The following PCDHA9 variants were observed in gnomAD, a reference collection of about 807,000 sequenced individuals.
PCDHA9 encodes protocadherin alpha 9.
Under a neutral mutation model 62.0 loss-of-function variants are expected in PCDHA9, and 62 were observed. The observed-to-expected ratio is 1.00, with a 90% CI of 0.81 to 1.23. The LOEUF (loss-of-function observed/expected upper bound fraction) is 1.23. Ranked by LOEUF, PCDHA9 falls within the 50% of genes most tolerant of loss-of-function variation. PCDHA9 has a pLI of 0.00. For missense variants in PCDHA9, 1,205 were observed against 1,249.8 expected (o/e 0.96, Z 0.54); for synonymous variants, 557 against 567.6 (o/e 0.98, Z 0.27).
At chr5:140,929,113 A>G (rs1554206696) in intron 1 of PCDHA9, 5 of 1,614,154 alleles carry the variant, frequency 3.1e-6, no homozygotes, top group East Asian at 2.2e-5. Flanking sequence ...GACATCAGCC[A>G]CCATAGATGT....
At chr5:140,930,712 A>T (rs1584689351) in intron 1 of PCDHA9, among the ~76,000 whole-genome samples, 1 of 152,234 alleles carries the variant, frequency 6.6e-6, no homozygotes, top group Non-Finnish European at 1.5e-5. Flanking sequence ...ATTCTTCCTC[A>T]AGTAATGATG....
At chr5:140,980,347 C>G (rs1329268780) in intron 2 of PCDHA9, among the ~76,000 whole-genome samples, 2 of 152,132 alleles carry the variant, frequency 1.3e-5, no homozygotes, top group African/African-American at 4.8e-5. Context: ...ACATAACTTC[C>G]TGGACTGGGC....
chr5:140,926,915 T>A, intron 1 of PCDHA9: 1 of 1,563,726 alleles, frequency 6.4e-7, no homozygotes, highest in Non-Finnish European at 8.7e-7. Flanking sequence ...GGGGTGGCAG[T>A]TTTATGTTTG....
At chr5:140,937,085 T>G (rs1386368270) in intron 1 of PCDHA9, among the ~76,000 whole-genome samples, 2 of 150,536 alleles carry the variant, frequency 1.3e-5, no homozygotes, top group African/African-American at 4.9e-5. Context: ...TCGCCCAGGC[T>G]GGAGTGCAGT....
chr5:140,863,445 C>A, intron 1 of PCDHA9: 1 of 582,886 alleles, frequency 1.7e-6, no homozygotes, highest in South Asian at 1.4e-5. Flanking sequence ...GTCTTACTCG[C>A]AGCAAAGGAG....
chr5:140,870,167 C>A, intron 1 of PCDHA9: 1 of 1,614,134 alleles, frequency 6.2e-7, no homozygotes, highest in East Asian at 2.2e-5. Context: ...ACTTCCTTGT[C>A]CCTCCCAGTA....
At chr5:141,001,253 C>T (rs896546841) in intron 3 of PCDHA9, among the ~76,000 whole-genome samples, 22 of 152,078 alleles carry the variant, frequency 1.4e-4, no homozygotes, top group African/African-American at 5.1e-4. Flanking sequence ...CCCTATGGGG[C>T]GGGCACTCTT....
chr5:141,009,563 C>A, intron 3 of PCDHA9, 64 bp from the exon 4 acceptor site: 1 of 1,571,920 alleles, frequency 6.4e-7, no homozygotes, highest in Non-Finnish European at 8.6e-7. Flanking sequence ...TGTACTCTAC[C>A]AGCAGTGTGG....
chr5:140,848,587 T>C lies in PCDHA9; in HGVS notation c.92T>C (p.Leu31Pro), dbSNP rs2150413508. 1 of 1,594,838 alleles carries C rather than the reference T, an allele frequency of 6.3e-7. No individual in the cohort carries two copies. Among genetic ancestry groups the C allele is most frequent in the Non-Finnish European group, 8.6e-7 (1 of 1,164,968 alleles). The change falls in exon 1 of 4, where the codon CTC (leucine) becomes CCC (proline). Residue 31 changes from leucine to proline, a missense_variant. Transcript: ENST00000532602. ...ATGTGGGTGGTGGGGAGCGGCCAGC[T>C]CCACTACTCCGTCCCGGAGGAAGCC... Reference protein sequence around the residue: ...LAMWVVGSGQLHYSVPEEAEH... With the variant: ...LAMWVVGSGQPHYSVPEEAEH...
intron 1 of PCDHA9, chr5:140,867,855 G>T (rs1340065029): frequency 6.6e-6 from 1 of 151,976 alleles, no homozygotes; most frequent in African/African-American, 2.4e-5. Context: ...TAGTTGAATT[G>T]TTTGATTAAT....
rs147219331 is a variant in PCDHA9, at chr5:140,927,900, T to C, written c.2395-51049T>C. On this transcript the variant is annotated intron_variant, in intron 1 of 3. Transcript: ENST00000532602. Reference sequence around the variant, plus strand: ...TGGAGGTGACTGACGTGAACGATCATGCCCCCGAACTGGACTTCCTGACTC... The same window carrying C: ...TGGAGGTGACTGACGTGAACGATCACGCCCCCGAACTGGACTTCCTGACTC... 2,142 of 1,614,232 alleles carry C rather than the reference T, an allele frequency of 1.3e-3. 2 individuals are homozygous for C. The highest frequency in any genetic ancestry group is 1.7e-3 in the Non-Finnish European group (2,053 of 1,180,040).
intron 1 of PCDHA9, among the ~76,000 whole-genome samples, chr5:140,874,989 A>G (rs1411320872): frequency 6.6e-6 from 1 of 152,218 alleles, no homozygotes; most frequent in Non-Finnish European, 1.5e-5. Context: ...ATTATTCTGT[A>G]TATCATTTTC....
Position 140,968,978 on chromosome 5 carries a change from G to T in PCDHA9, c.2395-9971G>T, listed in dbSNP as rs782147151. ...CAAGTGCTACCGCTACACTGCGTATGGCACTGCATGCTGTGGAGGCTTCTG... is the reference window on the plus strand; with the variant it reads ...CAAGTGCTACCGCTACACTGCGTATTGCACTGCATGCTGTGGAGGCTTCTG... On this transcript the variant is annotated intron_variant, in intron 1 of 3. Coordinates refer to ENST00000532602, the MANE Select transcript of PCDHA9 (RefSeq NM_031857.2). The T allele has an allele frequency of 8.7e-6, 14 of 1,614,212 alleles. No homozygotes were observed. Among genetic ancestry groups the T allele is most frequent in the Non-Finnish European group, 1.2e-5 (14 of 1,180,042 alleles).
At chr5:140,919,713 G>C (rs1370532221) in intron 1 of PCDHA9, among the ~76,000 whole-genome samples, 1 of 152,096 alleles carries the variant, frequency 6.6e-6, no homozygotes, top group African/African-American at 2.4e-5. Context: ...ATTCTAGTGA[G>C]ATATAAATAT....
At chr5:140,884,169 C>A in intron 1 of PCDHA9, 2 of 1,613,426 alleles carry the variant, frequency 1.2e-6, no homozygotes, top group South Asian at 1.1e-5. Flanking sequence ...ATCAGCACGA[C>A]GCGCCCTCTG....
At chr5:140,875,830 G>T in intron 1 of PCDHA9, 1 of 1,614,226 alleles carries the variant, frequency 6.2e-7, no homozygotes, top group South Asian at 1.1e-5. Context: ...TTTCCATGTG[G>T]ACGTGGAGGT....
At chr5:140,860,793 A>G (rs1012928413) in intron 1 of PCDHA9, 3 of 152,166 alleles carry the variant, frequency 2.0e-5, no homozygotes, top group Non-Finnish European at 4.4e-5. Context: ...GCTGGAGTGC[A>G]GTGGCACGAT....
chr5:140,849,585 C>G lies in PCDHA9; in HGVS notation c.1090C>G (p.Gln364Glu), dbSNP rs147876741. The G allele has an allele frequency of 6.3e-7, 1 of 1,598,624 alleles. No individual in the cohort carries two copies. Among genetic ancestry groups the G allele is most frequent in the African/African-American group, 1.3e-5 (1 of 74,332 alleles). The change falls in exon 1 of 4, where the codon CAA becomes GAA. Residue 364 changes from glutamine (Q) to glutamate (E), a missense_variant. Physicochemically the swap from Gln to Glu is conservative, Grantham distance 29. Around this residue, in one of 3 missense-constraint regions of PCDHA9, gnomAD observed 887 missense variants for 809.5 expected, o/e 1.10. Coordinates refer to ENST00000532602, the MANE Select transcript of PCDHA9 (RefSeq NM_031857.2). Reference sequence around the variant, plus strand: ...CTCGGTTCCTGTAAAAGAGGACGCACAACTGGGGACAGTTATTGCCCTGAT... The same window carrying G: ...CTCGGTTCCTGTAAAAGAGGACGCAGAACTGGGGACAGTTATTGCCCTGAT... ...TLSVPVKEDA[Q>E]LGTVIALISV...
intron 1 of PCDHA9, among the ~76,000 whole-genome samples, chr5:140,855,276 C>T (rs991955993): frequency 1.3e-5 from 2 of 149,614 alleles, no homozygotes; most frequent in Non-Finnish European, 3.0e-5. Flanking sequence ...CACTCAACCA[C>T]CGTATTACTA....
Sources: allele counts gnomAD v4.1 joint callset (sites outside exome capture counted in the v4.1 genomes callset), GRCh38; gene constraint gnomAD v4.1.1; regional missense constraint gnomAD v4.1.1; transcripts MANE v1.5; gene names NCBI Gene and HGNC (gene_info 2026-07-23, HGNC 2026-07-21).